FAF1: variants seen among roughly 807,000 people sequenced by gnomAD.
FAF1 encodes Fas associated factor 1.
Under a neutral mutation model 92.5 loss-of-function variants are expected in FAF1, and 25 were observed. That is an observed-to-expected ratio of 0.27 (90% CI 0.20 to 0.38). The LOEUF (loss-of-function observed/expected upper bound fraction) is 0.38. Among genes scored for constraint, FAF1 ranks in the 10% least tolerant of loss-of-function variants. FAF1 has a pLI of 1.00. For synonymous variants in FAF1, 234 were observed against 273.2 expected (o/e 0.86, Z 1.42); for missense variants, 636 against 793.3 (o/e 0.80, Z 2.38).
At chr1:50,848,322 G>A (rs1400838449) in intron 2 of FAF1, among the ~76,000 whole-genome samples, 1 of 152,182 alleles carries the variant, frequency 6.6e-6, no homozygotes, top group African/African-American at 2.4e-5. Flanking sequence ...AGTGCGAGAA[G>A]AATTGGAAAT....
rs574091084 is a variant in FAF1 at position 50,876,969 on chromosome 1, T to C, written c.46-18972A>G. Among the ~76,000 whole-genome samples, 5 of 152,200 alleles carry C rather than the reference T, an allele frequency of 3.3e-5. No individual in the cohort carries two copies. In the South Asian group the frequency reaches 1.0e-3, roughly 31 times the overall value. The stretch of plus-strand genomic sequence containing the variant: ...AAATATCCATGAGTCCAGATAGATA[T>C]AAATAAATGATTTAATAAATAAATA... On this transcript the variant is annotated intron_variant, in intron 1 of 18. Transcript: ENST00000396153.
intron 8 of FAF1, among the ~76,000 whole-genome samples, chr1:50,629,161 CTTTTTTTTTTTT>C (rs759732173): frequency 9.0e-6 from 1 of 110,728 alleles, no homozygotes; most frequent in Admixed American, 9.5e-5. Context: ...CAGATAGATG[CTTTTTTTTTTTT>C]TTTTTTTTTG....
At chr1:50,939,420 C>G (rs550426735) in intron 1 of FAF1, among the ~76,000 whole-genome samples, 51 of 152,276 alleles carry the variant, frequency 3.3e-4, no homozygotes, top group Middle Eastern at 3.4e-3. Flanking sequence ...GATTTTATAT[C>G]CTGAAACCTT....
intron 13 of FAF1, among the ~76,000 whole-genome samples, chr1:50,550,694 A>C (rs1471260732): frequency 6.6e-6 from 1 of 152,236 alleles, no homozygotes; most frequent in Admixed American, 6.5e-5. Flanking sequence ...TTAAATACAA[A>C]GCCCTCTGCT....
rs923094979 is a variant in FAF1, at chr1:50,541,868, C to A, written c.1269-2140G>T. 8.5e-5 allele frequency among the ~76,000 whole-genome samples: 13 copies of A among 152,202 alleles called. No individual in the cohort carries two copies. In the East Asian group the frequency reaches 2.5e-3, roughly 29 times the overall value. ...CTGGAAATTGTGTACTTCCCATATT[C>A]TTTTTGTGAAAATGAGCAAGAAGAT... On this transcript the variant is annotated intron_variant, in intron 13 of 18. Transcript: ENST00000396153.
At chr1:50,594,655 G>A (rs1030169337) in intron 9 of FAF1, among the ~76,000 whole-genome samples, 21 of 151,390 alleles carry the variant, frequency 1.4e-4, no homozygotes, top group South Asian at 4.2e-4. Flanking sequence ...GGTGGATCAC[G>A]AGGTCAGGAG....
intron 1 of FAF1, among the ~76,000 whole-genome samples, chr1:50,899,858 G>GTTA (rs749791624): frequency 2.0e-4 from 30 of 152,124 alleles, no homozygotes; most frequent in Non-Finnish European, 3.8e-4. Context: ...GTTAGTATTA[G>GTTA]GGCTATTTTC....
At chr1:50,721,164 T>G (rs571438992) in intron 6 of FAF1, among the ~76,000 whole-genome samples, 2 of 152,084 alleles carry the variant, frequency 1.3e-5, no homozygotes, top group African/African-American at 4.8e-5. Flanking sequence ...TAAAGCACTT[T>G]GGGAAATTTT....
chr1:50,918,987 T>G (rs1257688077), intron 1 of FAF1, among the ~76,000 whole-genome samples: 1 of 152,230 alleles, frequency 6.6e-6, no homozygotes, highest in African/African-American at 2.4e-5. Flanking sequence ...AAATTTCACA[T>G]AAACCAAAAC....
At chr1:50,658,973 G>A (rs1282207031) in intron 7 of FAF1, among the ~76,000 whole-genome samples, 1 of 151,918 alleles carries the variant, frequency 6.6e-6, no homozygotes, top group African/African-American at 2.4e-5. Context: ...AAAGAGTGGG[G>A]ATTTTACTAA....
rs151195938 is a variant in FAF1, at chr1:50,859,324, T to A, written c.46-1327A>T. Among the ~76,000 whole-genome samples, 187 of 151,854 alleles carry A rather than the reference T, an allele frequency of 1.2e-3. 1 individual carries two copies. Among genetic ancestry groups the A allele is most frequent in the Non-Finnish European group, 2.7e-4 (18 of 67,866 alleles). On this transcript the variant is annotated intron_variant, in intron 1 of 18. Transcript: ENST00000396153. ...AATAGGAAAAGAAGAAGTCAAACTA[T>A]CTCACTTCATAAATAATATGATTCT...
At chr1:50,781,134 C>A (rs924710554) in intron 4 of FAF1, 3 of 280,978 alleles carry the variant, frequency 1.1e-5, no homozygotes, top group Non-Finnish European at 2.1e-5. Context: ...AGTCAATACT[C>A]CTCCGGGTGC....
chr1:50,835,174 G>A (rs1034011982), intron 2 of FAF1, among the ~76,000 whole-genome samples: 76 of 152,178 alleles, frequency 5.0e-4, no homozygotes, highest in African/African-American at 1.8e-3. Context: ...TATCAATGAA[G>A]AGAAGCACTA....
chr1:50,497,136 T>TA (rs933648573), intron 15 of FAF1, among the ~76,000 whole-genome samples: 57 of 150,072 alleles, frequency 3.8e-4, no homozygotes, highest in African/African-American at 1.1e-3. Context: ...AAGTTAATAA[T>TA]AAAAAAAAAT....
chr1:50,879,183 TAC>T (rs1306951257), intron 1 of FAF1, among the ~76,000 whole-genome samples: 2 of 152,166 alleles, frequency 1.3e-5, no homozygotes, highest in African/African-American at 4.8e-5. Flanking sequence ...AGGCGGAGTC[TAC>T]AGTGAGACAA....
At chr1:50,882,254 T>C (rs1644617868) in intron 1 of FAF1, among the ~76,000 whole-genome samples, 1 of 152,196 alleles carries the variant, frequency 6.6e-6, no homozygotes, top group Non-Finnish European at 1.5e-5. Flanking sequence ...ATGGTAAATG[T>C]ACATTGTAAG....
chr1:50,545,694 C>T (rs1648978857), intron 13 of FAF1, among the ~76,000 whole-genome samples: 1 of 152,182 alleles, frequency 6.6e-6, no homozygotes, highest in South Asian at 2.1e-4. Context: ...CACTACTATA[C>T]ACTGTTAGTA....
chr1:50,884,664 T>C (rs893384931), intron 1 of FAF1, among the ~76,000 whole-genome samples: 1 of 152,122 alleles, frequency 6.6e-6, no homozygotes, highest in African/African-American at 2.4e-5. Flanking sequence ...TGTTTGCTAG[T>C]ATTTTGTTGA....
At chr1:50,890,778 T>C (rs1271769246) in intron 1 of FAF1, among the ~76,000 whole-genome samples, 1 of 152,204 alleles carries the variant, frequency 6.6e-6, no homozygotes, top group African/African-American at 2.4e-5. Flanking sequence ...GACCTTTCTC[T>C]CTGGCTGCCC....
Sources: allele counts gnomAD v4.1 joint callset (sites outside exome capture counted in the v4.1 genomes callset), GRCh38; gene constraint gnomAD v4.1.1; transcripts MANE v1.5; gene names NCBI Gene and HGNC (gene_info 2026-07-23, HGNC 2026-07-21).